Variants in PLXNB2 observed in about 807,000 individuals in gnomAD.
The protein encoded by PLXNB2 is plexin-B2.
PLXNB2 carries 85 observed loss-of-function variants against 202.6 expected under a neutral mutation model. The ratio of observed to expected loss-of-function variants is 0.42; its 90% CI spans 0.35 to 0.50. The LOEUF is 0.50. PLXNB2 is among the 20% of genes least tolerant of loss of function. The pLI is 0.02. For missense variants in PLXNB2, 2,063 were observed against 2,586.2 expected (o/e 0.80, Z 4.39); for synonymous variants, 1,239 against 1,137.6 (o/e 1.09, Z -1.79).
rs143793787 is a variant in PLXNB2 at position 50,294,768 on chromosome 22, A to G, written c.-63T>C. The G allele has an allele frequency of 2.9e-4, 286 of 985,578 alleles. 3 individuals carry two copies. In the South Asian group the frequency reaches 8.4e-3, roughly 29 times the overall value. 61.1% of individuals were successfully genotyped at this position (985,578 alleles called of 1,614,324 possible). A position where few individuals can be genotyped will look rare whatever the true frequency, so the allele number is the denominator to read the frequency against. On this transcript the variant is annotated 5_prime_UTR_variant, in exon 2 of 37. It removes an upstream start codon present in the reference 5' UTR. Transcript: ENST00000359337. ...AGCTCAGTTTCTGCTCCAGGCCAGC[A>G]TCGAGATTCTCTAGGAGGCAAAGGA...
Position 50,300,549 on chromosome 22 carries a change from G to T in PLXNB2, c.-73-5771C>A, listed in dbSNP as rs571312812. On this transcript the variant is annotated intron_variant, in intron 1 of 36. Transcript: ENST00000359337. ...CACAACCCGACCTAGGAGCTGGGGC[G>T]GGGCGGGGCGGGGCGGGGCTCCAGG... Among the ~76,000 whole-genome samples the T allele has an allele frequency of 2.2e-3, 331 of 152,166 alleles. 4 individuals are homozygous for T. The highest frequency in any genetic ancestry group is 3.4e-3 in the Middle Eastern group (1 of 292).
chr22:50,289,755 C>T lies in PLXNB2; in HGVS notation c.830G>A (p.Gly277Asp). The change falls in exon 3 of 37, where the codon GGC (glycine) becomes GAC (aspartate). Residue 277 changes from glycine (G) to aspartate (D), a missense_variant. Transcript: ENST00000359337. The surrounding 1 kb of genome is among the most constrained non-coding windows in gnomAD (Gnocchi z 8.0). ...RDPDIHAAAF[G>D]TCLAASVAAP... ...AGCCACGGAGGCGGCCAGGCAGGTG[C>T]CAAAGGCAGCGGCGTGGATGTCGGG... 6.2e-7 allele frequency: 1 copy of T among 1,612,756 alleles called. No individual in the cohort carries two copies.
chr22:50,293,677 G>C lies in PLXNB2; in HGVS notation c.-14+1042C>G, dbSNP rs374722347. ...GGTCCCCTCGGATCTGGCCCGGACCGTGGTGGGGCAGCCTGGGGAACCCTG... is the reference window on the plus strand; with the variant it reads ...GGTCCCCTCGGATCTGGCCCGGACCCTGGTGGGGCAGCCTGGGGAACCCTG... On this transcript the variant is annotated intron_variant, in intron 2 of 36. Transcript: ENST00000359337. Among the ~76,000 whole-genome samples the C allele has an allele frequency of 2.7e-4, 41 of 152,340 alleles. 1 individual carries two copies. The highest frequency in any genetic ancestry group is 3.4e-3 in the Middle Eastern group (1 of 294).
chr22:50,286,987 G>T, intron 8 of PLXNB2, 124 bp downstream of exon 8: 1 of 994,006 alleles, frequency 1.0e-6, no homozygotes, highest in Non-Finnish European at 1.4e-6. Flanking sequence ...CTGGGCCCCC[G>T]GAGCAGCCGC....
rs562155667 is a variant in PLXNB2 at position 50,278,530 on chromosome 22, C to T, written c.4648-11G>A. The T allele has an allele frequency of 7.1e-5, 112 of 1,578,826 alleles. No individual in the cohort carries two copies. Among genetic ancestry groups the T allele is most frequent in the Middle Eastern group, 1.7e-4 (1 of 6,018 alleles). On this transcript the variant is annotated splice_polypyrimidine_tract_variant and intron_variant, in intron 29 of 36. Coordinates refer to ENST00000359337, the MANE Select transcript of PLXNB2 (RefSeq NM_012401.4). ...GGCTCCATCCCGGACCTGGGGAACA[C>T]GGCGGTGAGGGTGGGCTGTGCCCCC...
chr22:50,283,806 G>T (rs1388939918), intron 14 of PLXNB2, 27 bp downstream of exon 14: 1 of 1,611,796 alleles, frequency 6.2e-7, no homozygotes, highest in Admixed American at 1.7e-5. Flanking sequence ...ACGAGGGAAG[G>T]TGTAGGCCAG....
At position 50,290,265 on chromosome 22, in the gene PLXNB2, T is replaced by C. The variant is rs1397375327; in HGVS notation, c.320A>G (p.Lys107Arg). 3 of 1,611,872 alleles carry C rather than the reference T, an allele frequency of 1.9e-6. No homozygotes were observed. The Admixed American group carries it at 5.0e-5, about 27-fold the overall frequency. The change falls in exon 3 of 37, where the codon AAG becomes AGG. Residue 107 changes from lysine (K) to arginine (R), a missense_variant. By Grantham distance (26) the Lys-to-Arg change is conservative. Around this residue, in one of 2 missense-constraint regions of PLXNB2, gnomAD observed 1,303 missense variants for 1,476.8 expected, o/e 0.88. Coordinates refer to ENST00000359337, the MANE Select transcript of PLXNB2 (RefSeq NM_012401.4). ...GAGGCTGCCGCACTCCACCAGGCGC[T>C]TCCTGGGAGGGTCGAGCAGCAGCAG... Reference protein sequence around the residue: ...NQLLLLDPPRKRLVECGSLFK... With the variant: ...NQLLLLDPPRRRLVECGSLFK...
At chr22:50,286,798 C>T (rs1357821837) in intron 8 of PLXNB2, among the ~76,000 whole-genome samples, 2 of 152,174 alleles carry the variant, frequency 1.3e-5, no homozygotes, top group East Asian at 1.9e-4. Context: ...GGGTGAGGGG[C>T]GTCTGCCGAG....
chr22:50,295,962 C>T (rs781209945), intron 1 of PLXNB2, among the ~76,000 whole-genome samples: 11 of 152,024 alleles, frequency 7.2e-5, no homozygotes, highest in Non-Finnish European at 1.5e-4. Context: ...ATTAGCCGGG[C>T]GTAGTGGTGC....
At position 50,283,445 on chromosome 22, in the gene PLXNB2, C is replaced by T. The variant is rs546484275; in HGVS notation, c.2571G>A (p.Arg857=). 2.5e-5 allele frequency: 41 copies of T among 1,612,842 alleles called. No individual in the cohort carries two copies. The South Asian group carries it at 4.3e-4, about 17-fold the overall frequency. ...CCGCAGCCTCGATCACACACACGAT[C>T]CTGGCGGGCGACAGGCAGTGTGGCC... is the stretch of plus-strand genomic sequence containing the variant. ...FQPERYSVST[R]IVCVIEAAET... The change falls in exon 16 of 37, where the codon CGG becomes CGA. Residue 857 remains arginine, a splice_region_variant and synonymous_variant. Coordinates refer to ENST00000359337, the MANE Select transcript of PLXNB2 (RefSeq NM_012401.4).
Position 50,283,943 on chromosome 22 carries a change from G to C in PLXNB2, c.2311C>G (p.Arg771Gly). The C allele has an allele frequency of 6.4e-7, 1 of 1,559,936 alleles. No homozygotes were observed. The highest frequency in any genetic ancestry group is 8.7e-7 in the Non-Finnish European group (1 of 1,154,314). Residue 771 changes from arginine to glycine, a missense_variant, in exon 14 of 37, where the codon CGG (arginine) becomes GGG (glycine). Physicochemically the swap from Arg to Gly is moderately radical, Grantham distance 125. Coordinates refer to ENST00000359337, the MANE Select transcript of PLXNB2 (RefSeq NM_012401.4). ...CACCTGTAGTCGGGGTTAGCGGCCC[G>C]GCACAGGCTGCAGTCGCTGCGGCCA... ...SFGRSDCSLCRAANPDYRCAW... is the reference protein window; with the variant it reads ...SFGRSDCSLCGAANPDYRCAW...
rs1474711307 is a variant in PLXNB2, at chr22:50,280,010, G to C, written c.4237C>G (p.Leu1413Val). The change falls in exon 26 of 37, where the codon CTC (leucine) becomes GTC (valine). Residue 1413 changes from leucine (L) to valine (V), a missense_variant. This residue lies in a region of PLXNB2 where 760 missense variants were observed against 1,109.4 expected (regional missense o/e 0.69). Coordinates refer to ENST00000359337, the MANE Select transcript of PLXNB2 (RefSeq NM_012401.4). ...NWMSICLYQY[L>V]KDSAGEPLYK... Reference sequence around the variant, plus strand: ...CAGGCTGGGGTGGAACCCACCTTGAGGTACTGGTACAGGCAGATGGACATC... The same window carrying C: ...CAGGCTGGGGTGGAACCCACCTTGACGTACTGGTACAGGCAGATGGACATC... 6.2e-7 allele frequency: 1 copy of C among 1,605,958 alleles called. No homozygotes were observed. Among genetic ancestry groups the C allele is most frequent in the East Asian group, 2.2e-5 (1 of 44,836 alleles).
In PLXNB2 at chr22:50,275,194, C is replaced by G. The variant is rs14186; in HGVS notation, c.*510G>C. On this transcript the variant is annotated 3_prime_UTR_variant, in exon 37 of 37. Transcript: ENST00000359337. ...GTGGGGCCCAGCAGCCGTGAGTCCA[C>G]CCAGAGTGCCGGCACCCTTGGGGAG... 1 of 327,092 alleles carries G rather than the reference C, an allele frequency of 3.1e-6. No homozygotes were observed. Among genetic ancestry groups the G allele is most frequent in the Non-Finnish European group, 6.0e-6 (1 of 165,556 alleles). The allele number at this position is 327,092 out of a possible 1,614,324, so 20.3% of individuals were successfully genotyped here. A position where few individuals can be genotyped will look rare whatever the true frequency, so the allele number is the denominator to read the frequency against.
In PLXNB2 at chr22:50,275,692, G is replaced by A. The variant is rs2065498031; in HGVS notation, c.*12C>T. ...GGTACCTATGTCCCAAGGCAGCACT[G>A]GAGATTGTAGGTCAGAGGTCAGTGA... On this transcript the variant is annotated 3_prime_UTR_variant, in exon 37 of 37. Transcript: ENST00000359337. 2.6e-6 allele frequency: 4 copies of A among 1,559,868 alleles called. No homozygotes were observed. The highest frequency in any genetic ancestry group is 2.6e-6 in the Non-Finnish European group (3 of 1,141,526).
chr22:50,301,321 A>G, intron 1 of PLXNB2: 1 of 879,150 alleles, frequency 1.1e-6, no homozygotes, highest in Non-Finnish European at 1.4e-6. Context: ...TTCGGGTCAG[A>G]AAGCTGGGCA....
chr22:50,278,550 G>GC (rs1211705789), intron 29 of PLXNB2, 31 bp from the exon 30 acceptor site: 1 of 1,591,344 alleles, frequency 6.3e-7, no homozygotes, highest in Non-Finnish European at 8.6e-7. Context: ...GGTGGGCTGT[G>GC]CCCCCAGGGT....
At chr22:50,286,410 C>T (rs2147474132) in intron 8 of PLXNB2, 123 bp from the exon 9 acceptor site, 1 of 658,536 alleles carries the variant, frequency 1.5e-6, no homozygotes, top group Non-Finnish European at 2.7e-6. Context: ...GGGGCCCTGC[C>T]AGGACGCCCC....
At chr22:50,281,523 G>A (rs375435133) in intron 21 of PLXNB2, 24 bp from the exon 22 acceptor site, 28 of 1,608,174 alleles carry the variant, frequency 1.7e-5, no homozygotes, top group African/African-American at 5.3e-5. Flanking sequence ...CGGGTTCAGC[G>A]CGGTCCCGTG....
rs1481129048 is a variant in PLXNB2, at chr22:50,284,589, G to A, written c.2165C>T (p.Ala722Val). ...GAGCCGTACCTTTGGGGTCCGAAAG[G>A]CGAAGGTCCCAGATTCCTGCATGGT... ...PVTMQESGTF[A>V]FRTPKLSHDA... Residue 722 changes from alanine (A) to valine (V), a missense_variant, in exon 12 of 37, where the codon GCC becomes GTC. Coordinates refer to ENST00000359337, the MANE Select transcript of PLXNB2 (RefSeq NM_012401.4). The surrounding 1 kb of genome is among the most constrained non-coding windows in gnomAD (Gnocchi z 8.0). 6.2e-7 allele frequency: 1 copy of A among 1,611,878 alleles called. No homozygotes were observed. Among genetic ancestry groups the A allele is most frequent in the South Asian group, 1.1e-5 (1 of 91,066 alleles).
Sources: gnomAD v4.1 joint callset for allele counts (sites outside exome capture counted in the v4.1 genomes callset) on GRCh38, gnomAD v4.1.1 for gene constraint, gnomAD v4.1.1 regional missense constraint, Gnocchi (gnomAD v3.1) non-coding constraint, MANE v1.5 for transcripts, NCBI Gene and HGNC (gene_info 2026-07-23, HGNC 2026-07-21) for gene names.